The following SLCO5A1 variants were observed in gnomAD, a reference collection of about 807,000 sequenced individuals.
The protein encoded by SLCO5A1 is solute carrier organic anion transporter family member 5A1.
Under a neutral mutation model 65.1 loss-of-function variants are expected in SLCO5A1, and 39 were observed. The observed-to-expected ratio is 0.60, with a 90% CI of 0.46 to 0.78. The LOEUF is 0.78. Ranked by LOEUF, SLCO5A1 falls within the 30% of genes least tolerant of loss-of-function variation. The pLI is 0.00. For synonymous variants in SLCO5A1, 438 were observed against 415.7 expected (o/e 1.05, Z -0.65); for missense variants, 1,029 against 1,069.4 (o/e 0.96, Z 0.53).
intron 5 of SLCO5A1, among the ~76,000 whole-genome samples, chr8:69,717,196 C>T (rs2380577): frequency 0.56 from 85,110 of 151,972 alleles, 24,340 homozygotes; most frequent in South Asian, 0.69. Context: ...AAGAGTTATG[C>T]CTATGTTTAT....
At chr8:69,774,928 T>C (rs1398293211) in intron 2 of SLCO5A1, among the ~76,000 whole-genome samples, 1 of 152,226 alleles carries the variant, frequency 6.6e-6, no homozygotes, top group African/African-American at 2.4e-5. Context: ...ACCAGAGCAC[T>C]GTATTTAAAG....
chr8:69,815,169 AG>A (rs1820352896), intron 2 of SLCO5A1, among the ~76,000 whole-genome samples: 1 of 152,236 alleles, frequency 6.6e-6, no homozygotes, highest in Non-Finnish European at 1.5e-5. Flanking sequence ...CACCATAAAA[AG>A]GTTAAGTATT....
intron 6 of SLCO5A1, among the ~76,000 whole-genome samples, chr8:69,690,918 T>G (rs1390861231): frequency 6.6e-6 from 1 of 152,208 alleles, no homozygotes; most frequent in Non-Finnish European, 1.5e-5. Flanking sequence ...AAATGAAAGA[T>G]AGTCATAGAC....
At chr8:69,707,304 G>C (rs145433701) in intron 5 of SLCO5A1, among the ~76,000 whole-genome samples, 24 of 152,262 alleles carry the variant, frequency 1.6e-4, no homozygotes, top group African/African-American at 5.5e-4. Flanking sequence ...AATCTGGGAG[G>C]GTTTTACACA....
intron 2 of SLCO5A1, among the ~76,000 whole-genome samples, chr8:69,831,228 C>G (rs1425197526): frequency 6.6e-6 from 1 of 151,000 alleles, no homozygotes; most frequent in African/African-American, 2.4e-5. Flanking sequence ...CCATTGCACT[C>G]CAGCCTGGGT....
At chr8:69,678,800 GAA>G (rs10648194) in intron 8 of SLCO5A1, among the ~76,000 whole-genome samples, 16 of 139,684 alleles carry the variant, frequency 1.1e-4, no homozygotes, top group African/African-American at 1.6e-4. Context: ...CTGAAAAACT[GAA>G]AAAAAAAAAA....
chr8:69,781,319 T>C (rs1341279760), intron 2 of SLCO5A1, among the ~76,000 whole-genome samples: 1 of 152,270 alleles, frequency 6.6e-6, no homozygotes, highest in Non-Finnish European at 1.5e-5. Context: ...GGCCATCCAT[T>C]GGATTTTATA....
At chr8:69,731,199 C>T (rs1264272327) in intron 5 of SLCO5A1, among the ~76,000 whole-genome samples, 1 of 152,148 alleles carries the variant, frequency 6.6e-6, no homozygotes, top group African/African-American at 2.4e-5. Context: ...GGGGTTTCGC[C>T]ATGCTGGCCA....
At position 69,832,187 on chromosome 8, in the gene SLCO5A1, T is replaced by G. The variant is rs1021092205; in HGVS notation, c.487A>C (p.Lys163Gln). Residue 163 changes from lysine (K) to glutamine (Q), a missense_variant, in exon 2 of 10, where the codon AAG becomes CAG. Physicochemically the swap from Lys to Gln is moderately conservative, Grantham distance 53 (BLOSUM62 1). This residue lies in a region of SLCO5A1 where 647 missense variants were observed against 647.5 expected (regional missense o/e 1.00). Coordinates refer to ENST00000260126, the MANE Select transcript of SLCO5A1 (RefSeq NM_030958.3). The surrounding 1 kb of genome is among the most constrained non-coding windows in gnomAD (Gnocchi z 4.5). ...ACCAGCAGCCCCGACTCGGAACTCT[T>G]CAGACTGTAGCGCCTTTCAATGGTG... is the stretch of plus-strand genomic sequence containing the variant. Reference protein sequence around the residue: ...ITTIERRYSLKSSESGLLVSC... With the variant: ...ITTIERRYSLQSSESGLLVSC... 6 of 1,614,122 alleles carry G rather than the reference T, an allele frequency of 3.7e-6. No individual in the cohort carries two copies. The highest frequency in any genetic ancestry group is 5.1e-6 in the Non-Finnish European group (6 of 1,180,026).
At chr8:69,733,493 G>A (rs368767922) in intron 5 of SLCO5A1, among the ~76,000 whole-genome samples, 4 of 152,088 alleles carry the variant, frequency 2.6e-5, no homozygotes, top group Non-Finnish European at 5.9e-5. Flanking sequence ...TGGATTCCAC[G>A]GGCACCCTGT....
At chr8:69,687,968 TATC>T (rs1475502246) in intron 6 of SLCO5A1, among the ~76,000 whole-genome samples, 2 of 152,086 alleles carry the variant, frequency 1.3e-5, no homozygotes, top group Admixed American at 6.6e-5. Flanking sequence ...AATAAAAACT[TATC>T]ATGTTTTAAG....
intron 5 of SLCO5A1, among the ~76,000 whole-genome samples, chr8:69,705,982 G>A (rs1814952392): frequency 6.6e-6 from 1 of 152,210 alleles, no homozygotes; most frequent in African/African-American, 2.4e-5. Context: ...ACCAAAAGAA[G>A]TGGACAAGAT....
At chr8:69,737,183 T>C (rs1432369391) in intron 5 of SLCO5A1, among the ~76,000 whole-genome samples, 3 of 152,228 alleles carry the variant, frequency 2.0e-5, no homozygotes, top group Non-Finnish European at 4.4e-5. Flanking sequence ...AATTTCTCTT[T>C]CTACAGTGAT....
At chr8:69,747,938 A>G (rs959148496) in intron 4 of SLCO5A1, among the ~76,000 whole-genome samples, 13 of 152,192 alleles carry the variant, frequency 8.5e-5, no homozygotes, top group African/African-American at 3.1e-4. Flanking sequence ...TTTCTGTAAA[A>G]GCAAAACCAA....
At chr8:69,779,245 T>C (rs1362352849) in intron 2 of SLCO5A1, among the ~76,000 whole-genome samples, 1 of 152,214 alleles carries the variant, frequency 6.6e-6, no homozygotes, top group African/African-American at 2.4e-5. Flanking sequence ...AAGGTAGTTA[T>C]AATTATTTAA....
chr8:69,822,995 A>G (rs1371152023), intron 2 of SLCO5A1, among the ~76,000 whole-genome samples: 19 of 152,178 alleles, frequency 1.2e-4, no homozygotes, highest in Admixed American at 1.0e-3. Flanking sequence ...CATGCCAATC[A>G]TTATTGATCC....
intron 5 of SLCO5A1, among the ~76,000 whole-genome samples, chr8:69,729,301 G>T (rs927244951): frequency 6.6e-6 from 1 of 151,938 alleles, no homozygotes; most frequent in African/African-American, 2.4e-5. Flanking sequence ...AACATTAGCC[G>T]GGCGAGGTGG....
intron 3 of SLCO5A1, among the ~76,000 whole-genome samples, chr8:69,759,415 T>C (rs986765290): frequency 3.3e-4 from 50 of 152,328 alleles, no homozygotes; most frequent in African/African-American, 1.2e-3. Flanking sequence ...ACTGAATAGC[T>C]AACACATACT....
At chr8:69,801,901 C>T (rs1405744014) in intron 2 of SLCO5A1, among the ~76,000 whole-genome samples, 2 of 152,198 alleles carry the variant, frequency 1.3e-5, no homozygotes, top group African/African-American at 2.4e-5. Flanking sequence ...AAGTCTCAAA[C>T]GTCATCTTCC....
Sources: gnomAD v4.1 joint callset for allele counts (sites outside exome capture counted in the v4.1 genomes callset) on GRCh38, gnomAD v4.1.1 for gene constraint, gnomAD v4.1.1 regional missense constraint, Gnocchi (gnomAD v3.1) non-coding constraint, MANE v1.5 for transcripts, NCBI Gene and HGNC (gene_info 2026-07-23, HGNC 2026-07-21) for gene names.